Variants in MCU observed in about 807,000 individuals in gnomAD.
The protein encoded by MCU is calcium uniporter protein, mitochondrial.
In MCU, 12 loss-of-function variants were observed where a neutral mutation model predicts 45.2. The ratio of observed to expected loss-of-function variants is 0.27; its 90% CI spans 0.17 to 0.43. The LOEUF is 0.43. MCU is among the 20% of genes least tolerant of loss of function. MCU has a pLI of 1.00. For missense variants in MCU, 324 were observed against 436.7 expected (o/e 0.74, Z 2.30); for synonymous variants, 160 against 165.1 (o/e 0.97, Z 0.24).
At chr10:72,755,625 A>G (rs891446309) in intron 1 of MCU, among the ~76,000 whole-genome samples, 5 of 152,226 alleles carry the variant, frequency 3.3e-5, no homozygotes, top group Non-Finnish European at 7.3e-5. Context: ...TTAAGTGCTA[A>G]CTGTTGTTAT....
At chr10:72,852,532 G>A (rs1845222812) in intron 2 of MCU, among the ~76,000 whole-genome samples, 4 of 152,188 alleles carry the variant, frequency 2.6e-5, no homozygotes, top group Admixed American at 2.6e-4. Flanking sequence ...TCAGACACTG[G>A]ACAATAGGCA....
intron 1 of MCU, among the ~76,000 whole-genome samples, chr10:72,773,823 C>G (rs769246033): frequency 2.0e-5 from 3 of 152,176 alleles, no homozygotes; most frequent in Admixed American, 6.5e-5. Context: ...AGTATAATGA[C>G]ATTTTCAGAA....
chr10:72,729,703 C>T (rs536755013), intron 1 of MCU, among the ~76,000 whole-genome samples: 6 of 152,196 alleles, frequency 3.9e-5, no homozygotes, highest in Middle Eastern at 6.8e-3. Context: ...ATGCACTAAC[C>T]GGACTGTAGG....
intron 1 of MCU, among the ~76,000 whole-genome samples, chr10:72,725,441 TA>T (rs942311992): frequency 0.16 from 24 of 148 alleles, no homozygotes; most frequent in Non-Finnish European, 0.067. Flanking sequence ...CTGGCTAATT[TA>T]AAAATGTTTT....
Position 72,804,054 on chromosome 10 carries a change from AT to A in MCU, c.151-30304del. On this transcript the variant is annotated intron_variant, in intron 1 of 7. Coordinates refer to ENST00000373053, the MANE Select transcript of MCU (RefSeq NM_138357.3). ...TATATATATATATATATATATATATATATATATATATATATATATAAAATAA... is the reference window on the plus strand; with the variant it reads ...TATATATATATATATATATATATATAATATATATATATATATATAAAATAA... Among the ~76,000 whole-genome samples the A allele has an allele frequency of 5.9e-5, 5 of 84,190 alleles. No individual in the cohort carries two copies. In the East Asian group the frequency reaches 9.8e-4, roughly 17 times the overall value. 55.2% of individuals were successfully genotyped at this position (84,190 alleles called of 152,430 possible). A position where few individuals can be genotyped will look rare whatever the true frequency, so the allele number is the denominator to read the frequency against.
chr10:72,692,308 G>T lies in MCU; in HGVS notation c.150+7G>T. On this transcript the variant is annotated splice_region_variant and intron_variant, in intron 1 of 7. Transcript: ENST00000373053. Reference sequence around the variant, plus strand: ...GCAGCAGCACCACCGGACGGTGAGCGAGCGCGCCCGGAGGCTCCGGGGAGG... The same window carrying T: ...GCAGCAGCACCACCGGACGGTGAGCTAGCGCGCCCGGAGGCTCCGGGGAGG... The T allele has an allele frequency of 2.5e-6, 3 of 1,212,294 alleles. No homozygotes were observed. The highest frequency in any genetic ancestry group is 4.1e-5 in the South Asian group (1 of 24,166). 75.1% of individuals were successfully genotyped at this position (1,212,294 alleles called of 1,614,324 possible).
intron 6 of MCU, among the ~76,000 whole-genome samples, chr10:72,881,709 T>C (rs888701310): frequency 6.6e-6 from 1 of 152,082 alleles, no homozygotes; most frequent in African/African-American, 2.4e-5. Flanking sequence ...TGGCAAGATA[T>C]CTGAACAGGC....
intron 7 of MCU, 47 bp from the exon 8 acceptor site, chr10:72,885,698 T>C (rs1845764915): frequency 5.6e-6 from 7 of 1,242,358 alleles, no homozygotes; most frequent in Non-Finnish European, 8.3e-6. Flanking sequence ...AGTAATATCA[T>C]TGAAAGCTTC....
At chr10:72,839,012 C>A (rs149764638) in intron 2 of MCU, among the ~76,000 whole-genome samples, 1 of 149,446 alleles carries the variant, frequency 6.7e-6, no homozygotes, top group Admixed American at 6.6e-5. Flanking sequence ...TTTTTTGAGA[C>A]GGAGTCCCGC....
intron 1 of MCU, among the ~76,000 whole-genome samples, chr10:72,713,132 G>C (rs150589888): frequency 5.0e-4 from 76 of 152,306 alleles, no homozygotes; most frequent in African/African-American, 1.8e-3. Flanking sequence ...GTTACAAATG[G>C]TGACCAATTT....
At chr10:72,764,488 A>T (rs1843698263) in intron 1 of MCU, among the ~76,000 whole-genome samples, 1 of 152,210 alleles carries the variant, frequency 6.6e-6, no homozygotes, top group Non-Finnish European at 1.5e-5. Context: ...TTGGTCCAGT[A>T]GCTAAAAGGT....
intron 2 of MCU, among the ~76,000 whole-genome samples, chr10:72,851,415 T>G (rs935075431): frequency 1.3e-5 from 2 of 152,202 alleles, no homozygotes; most frequent in African/African-American, 4.8e-5. Context: ...AAGAGTTTAA[T>G]TCACACAGAG....
At chr10:72,866,648 G>C (rs1845461867) in intron 4 of MCU, among the ~76,000 whole-genome samples, 1 of 152,152 alleles carries the variant, frequency 6.6e-6, no homozygotes, top group South Asian at 2.1e-4. Flanking sequence ...GTCCACCTTT[G>C]CCTCCCAAAG....
intron 1 of MCU, among the ~76,000 whole-genome samples, chr10:72,818,351 G>A (rs766307748): frequency 1.1e-4 from 17 of 152,170 alleles, no homozygotes; most frequent in Non-Finnish European, 2.4e-4. Flanking sequence ...GCAGAAAGTA[G>A]TGTTCTAAGA....
At chr10:72,875,462 G>T (rs1845603764) in intron 6 of MCU, among the ~76,000 whole-genome samples, 1 of 152,132 alleles carries the variant, frequency 6.6e-6, no homozygotes, top group South Asian at 2.1e-4. Flanking sequence ...CAAGTGACAA[G>T]TTGCAAAATA....
At chr10:72,811,281 G>A (rs925367810) in intron 1 of MCU, among the ~76,000 whole-genome samples, 13 of 152,190 alleles carry the variant, frequency 8.5e-5, no homozygotes. Context: ...GATGTTAAAG[G>A]ATAGTTGCAT....
chr10:72,804,230 G>A (rs536289022), intron 1 of MCU, among the ~76,000 whole-genome samples: 2 of 150,542 alleles, frequency 1.3e-5, no homozygotes, highest in Admixed American at 1.3e-4. Context: ...GGGATTACAG[G>A]TGCCCACCAC....
At position 72,884,414 on chromosome 10, in the gene MCU, G is replaced by A. The variant is rs762909509; in HGVS notation, c.978+32G>A. 2.5e-6 allele frequency: 3 copies of A among 1,202,552 alleles called. No individual in the cohort carries two copies. In the East Asian group the frequency reaches 7.0e-5, roughly 28 times the overall value. 74.5% of individuals were successfully genotyped at this position (1,202,552 alleles called of 1,614,324 possible). On this transcript the variant is annotated intron_variant, in intron 7 of 7. Coordinates refer to ENST00000373053, the MANE Select transcript of MCU (RefSeq NM_138357.3). ...TTTACAAAAATTAAAATAAATCCCAGCCCTATCTTGCATGGTTATTATTAT... is the reference window on the plus strand; with the variant it reads ...TTTACAAAAATTAAAATAAATCCCAACCCTATCTTGCATGGTTATTATTAT...
chr10:72,787,906 G>A (rs1844099257), intron 1 of MCU, among the ~76,000 whole-genome samples: 1 of 151,780 alleles, frequency 6.6e-6, no homozygotes, highest in Non-Finnish European at 1.5e-5. Flanking sequence ...TAGTAGAGAT[G>A]GGGTTTCACC....
Sources: allele counts gnomAD v4.1 joint callset (sites outside exome capture counted in the v4.1 genomes callset), GRCh38; gene constraint gnomAD v4.1.1; transcripts MANE v1.5; gene names NCBI Gene and HGNC (gene_info 2026-07-23, HGNC 2026-07-21).